PVALB: variants seen among roughly 807,000 people sequenced by gnomAD.
PVALB encodes the protein parvalbumin alpha.
A neutral mutation model predicts 10.9 loss-of-function variants in PVALB; 11 were observed. The ratio of observed to expected loss-of-function variants is 1.01; its 90% CI spans 0.63 to 1.67. The LOEUF (loss-of-function observed/expected upper bound fraction) is 1.67. Among genes scored for constraint, PVALB ranks in the 40% most tolerant of loss-of-function variants. The pLI is 0.00. For missense variants in PVALB, 131 were observed against 136.2 expected, an observed-to-expected ratio of 0.96 and a Z score of 0.19; for synonymous variants, 57 against 50.7, an observed-to-expected ratio of 1.12 and a Z score of -0.53.
chr22:36,801,339 GA>G (rs1277925308), intron 3 of PVALB, among the ~76,000 whole-genome samples: 1 of 152,200 alleles, frequency 6.6e-6, no homozygotes, highest in Non-Finnish European at 1.5e-5. Flanking sequence ...TGAAGAAACT[GA>G]GGCTCAGGGT....
intron 3 of PVALB, among the ~76,000 whole-genome samples, chr22:36,810,355 C>G (rs1939027662): frequency 6.6e-6 from 1 of 152,126 alleles, no homozygotes; most frequent in Non-Finnish European, 1.5e-5. Flanking sequence ...TCCTGGGCCC[C>G]AAAAAGGCTC....
At chr22:36,811,795 G>T (rs1243475590) in intron 3 of PVALB, among the ~76,000 whole-genome samples, 1 of 152,090 alleles carries the variant, frequency 6.6e-6, no homozygotes, top group East Asian at 1.9e-4. Context: ...GGTGGGGATG[G>T]GGGTGTGAGG....
intron 1 of PVALB, chr22:36,816,335 C>T (rs1297590392): frequency 6.6e-6 from 1 of 152,304 alleles, no homozygotes; most frequent in Non-Finnish European, 1.5e-5. Context: ...TGCCAGTTCC[C>T]CTCCCCTGCC....
intron 3 of PVALB, among the ~76,000 whole-genome samples, chr22:36,801,493 G>A (rs1051965073): frequency 3.9e-5 from 6 of 152,212 alleles, no homozygotes; most frequent in Non-Finnish European, 7.4e-5. Flanking sequence ...AGTGCCCATC[G>A]CCCTAGAAAA....
chr22:36,815,062 T>G (rs770418734), intron 2 of PVALB, 41 bp downstream of exon 2: 61 of 1,610,498 alleles, frequency 3.8e-5, no homozygotes, highest in Middle Eastern at 1.7e-4. Flanking sequence ...CTCCCTCTCG[T>G]GCAGCCGTGG....
chr22:36,813,854 G>A, intron 2 of PVALB, 99 bp from the exon 3 acceptor site: 2 of 920,022 alleles, frequency 2.2e-6, no homozygotes, highest in East Asian at 2.4e-5. Context: ...TGGGGAAAGG[G>A]ATGGCTGGGA....
chr22:36,818,417 AG>A (rs1320950482), upstream of PVALB: 1 of 152,312 alleles, frequency 6.6e-6, no homozygotes, highest in Non-Finnish European at 1.5e-5. Flanking sequence ...TGGAAACCTT[AG>A]GATACCTCTG....
intron 3 of PVALB, among the ~76,000 whole-genome samples, chr22:36,807,405 T>C (rs1014083009): frequency 6.6e-6 from 1 of 152,204 alleles, no homozygotes; most frequent in Non-Finnish European, 1.5e-5. Flanking sequence ...GAGCATCCTG[T>C]CCTACTTAGA....
chr22:36,814,846 T>C (rs1415935982), intron 2 of PVALB, among the ~76,000 whole-genome samples: 5 of 152,232 alleles, frequency 3.3e-5, no homozygotes, highest in African/African-American at 9.6e-5. Context: ...CAACATTCCA[T>C]TAGCAATATT....
At chr22:36,808,345 G>T (rs1013078885) in intron 3 of PVALB, among the ~76,000 whole-genome samples, 13 of 151,988 alleles carry the variant, frequency 8.6e-5, no homozygotes, top group African/African-American at 3.1e-4. Context: ...CACACTCTGC[G>T]GGGGCAGGCA....
chr22:36,808,075 C>T lies in PVALB; in HGVS notation c.304+5571G>A, dbSNP rs114900924. Among the ~76,000 whole-genome samples, 843 of 152,346 alleles carry T rather than the reference C, an allele frequency of 5.5e-3. 12 individuals carry two copies. Among genetic ancestry groups the T allele is most frequent in the African/African-American group, 0.019 (774 of 41,586 alleles). ...TTCAGGAAGAATGTAACTAGGACTGCGTGCAGGCACGTGTGCACACGGGGC... is the reference window on the plus strand; with the variant it reads ...TTCAGGAAGAATGTAACTAGGACTGTGTGCAGGCACGTGTGCACACGGGGC... On this transcript the variant is annotated intron_variant, in intron 3 of 3. Transcript: ENST00000417718.
At chr22:36,814,123 G>A (rs532790013) in intron 2 of PVALB, among the ~76,000 whole-genome samples, 1 of 152,294 alleles carries the variant, frequency 6.6e-6, no homozygotes, top group East Asian at 1.9e-4. Context: ...AGGAGGTCAC[G>A]GGCTCCGAGA....
chr22:36,805,266 G>A (rs1281329653), intron 3 of PVALB, among the ~76,000 whole-genome samples: 1 of 152,128 alleles, frequency 6.6e-6, no homozygotes, highest in Non-Finnish European at 1.5e-5. Context: ...CCTGTCAAAT[G>A]GAGCTCATGA....
chr22:36,817,013 C>T lies in PVALB; in HGVS notation c.-8G>A, dbSNP rs1939152140. On this transcript the variant is annotated 5_prime_UTR_variant, in exon 1 of 4. Transcript: ENST00000417718. Reference sequence around the variant, plus strand: ...CAAGTCTGTCATCGACATCCTGCAACTGTTTGAGCGGGCAGAGCAAGTGCG... The same window carrying T: ...CAAGTCTGTCATCGACATCCTGCAATTGTTTGAGCGGGCAGAGCAAGTGCG... 3 of 1,608,502 alleles carry T rather than the reference C, an allele frequency of 1.9e-6. No individual in the cohort carries two copies. The highest frequency in any genetic ancestry group is 2.5e-6 in the Non-Finnish European group (3 of 1,178,006).
At chr22:36,803,872 A>G (rs926443295) in intron 3 of PVALB, among the ~76,000 whole-genome samples, 1 of 152,182 alleles carries the variant, frequency 6.6e-6, no homozygotes, top group Non-Finnish European at 1.5e-5. Context: ...GGTCATGTGG[A>G]AAACAAGAGG....
intron 3 of PVALB, among the ~76,000 whole-genome samples, chr22:36,809,971 G>A (rs563122514): frequency 6.7e-4 from 101 of 150,634 alleles, no homozygotes; most frequent in African/African-American, 2.4e-3. Context: ...TGCAACCTCC[G>A]CCTCCTGGGT....
At chr22:36,819,108 C>T (rs957349503), upstream of PVALB, among the ~76,000 whole-genome samples, 1 of 152,188 alleles carries the variant, frequency 6.6e-6, no homozygotes, top group Non-Finnish European at 1.5e-5. Context: ...TAGTCCTCCT[C>T]TGCCCTCTGG....
At chr22:36,816,871 CG>C in intron 1 of PVALB, 73 bp downstream of exon 1, 2 of 1,325,044 alleles carry the variant, frequency 1.5e-6, no homozygotes, top group African/African-American at 1.5e-5. Flanking sequence ...CCGCCGGCTG[CG>C]GGGCCGGCGG....
chr22:36,812,956 A>G (rs1939069276), intron 3 of PVALB, among the ~76,000 whole-genome samples: 1 of 152,244 alleles, frequency 6.6e-6, no homozygotes, highest in Admixed American at 6.5e-5. Flanking sequence ...AAATGGAGAA[A>G]GGAGTGGACG....
Sources: allele counts gnomAD v4.1 joint callset (sites outside exome capture counted in the v4.1 genomes callset), GRCh38; gene constraint gnomAD v4.1.1; transcripts MANE v1.5; gene names NCBI Gene and HGNC (gene_info 2026-07-23, HGNC 2026-07-21).